The following OR2L2 variants were observed in gnomAD, a reference collection of about 807,000 sequenced individuals.
The protein encoded by OR2L2 is olfactory receptor 2L2.
For synonymous variants in OR2L2, 156 were observed against 135.4 expected (o/e 1.15, Z -1.06); for missense variants, 378 against 375.2 (o/e 1.01, Z -0.06).
At chr1:248,037,079 G>A (rs1425632444) in intron 2 of OR2L2, among the ~76,000 whole-genome samples, 3 of 152,212 alleles carry the variant, frequency 2.0e-5, no homozygotes, top group Admixed American at 6.5e-5. Context: ...TCAGAAATTG[G>A]ATGAGAAGGC....
chr1:248,041,603 C>T lies in OR2L2; in HGVS notation c.*2397C>T, dbSNP rs896957332. 2.0e-5 allele frequency: 3 copies of T among 152,046 alleles called. No individual in the cohort carries two copies. Among genetic ancestry groups the T allele is most frequent in the South Asian group, 2.1e-4 (1 of 4,830 alleles). The allele number at this position is 152,046 out of a possible 1,614,324, so 9.4% of individuals were successfully genotyped here. ...CAGAATGGGAGAAAATTTTTGCAAC[C>T]TACTCATCTGACAAAGGGCTAATAT... On this transcript the variant is annotated 3_prime_UTR_variant, in exon 3 of 3. Transcript: ENST00000641771.
Position 248,041,496 on chromosome 1 carries a change from A to G in OR2L2, c.*2290A>G, listed in dbSNP as rs934833341. On this transcript the variant is annotated 3_prime_UTR_variant, in exon 3 of 3. Coordinates refer to ENST00000641771, the MANE Select transcript of OR2L2 (RefSeq NM_001385855.1). ...ACCAAAAGCAATGGCAACAAAAGCC[A>G]AAATTGACAATTGAGATCTAATTAA... 17 of 152,294 alleles carry G rather than the reference A, an allele frequency of 1.1e-4. No homozygotes were observed. Among genetic ancestry groups the G allele is most frequent in the African/African-American group, 3.9e-4 (16 of 41,452 alleles). The allele number at this position is 152,294 out of a possible 1,614,324, so 9.4% of individuals were successfully genotyped here. A position where few individuals can be genotyped will look rare whatever the true frequency, so the allele number is the denominator to read the frequency against.
At chr1:248,033,115 A>G (rs951007420) in intron 1 of OR2L2, among the ~76,000 whole-genome samples, 1 of 152,232 alleles carries the variant, frequency 6.6e-6, no homozygotes, top group African/African-American at 2.4e-5. Flanking sequence ...TGGGTTTATC[A>G]GGATGAAACC....
In OR2L2 at chr1:248,040,919, C is replaced by G. The variant is rs762548709; in HGVS notation, c.*1713C>G. 7 of 152,158 alleles carry G rather than the reference C, an allele frequency of 4.6e-5. No individual in the cohort carries two copies. The highest frequency in any genetic ancestry group is 7.4e-5 in the Non-Finnish European group (5 of 68,022). 9.4% of individuals were successfully genotyped at this position (152,158 alleles called of 1,614,324 possible). ...ATACAAATATGGATCTGGATATACT[C>G]ATTTCAATTAAGCATTTAGAGTTTA... On this transcript the variant is annotated 3_prime_UTR_variant, in exon 3 of 3. Coordinates refer to ENST00000641771, the MANE Select transcript of OR2L2 (RefSeq NM_001385855.1).
intron 1 of OR2L2, among the ~76,000 whole-genome samples, chr1:248,031,602 C>T (rs1025129131): frequency 6.6e-6 from 1 of 152,152 alleles, no homozygotes; most frequent in Non-Finnish European, 1.5e-5. Flanking sequence ...GCTGGCACCA[C>T]CGCAGGCAGA....
At chr1:248,037,162 A>C (rs1168760391) in intron 2 of OR2L2, among the ~76,000 whole-genome samples, 1 of 152,200 alleles carries the variant, frequency 6.6e-6, no homozygotes. Flanking sequence ...TGAAAAAGGT[A>C]CTTAAAATAA....
chr1:248,038,771 C>T lies in OR2L2; in HGVS notation c.504C>T (p.Cys168=), dbSNP rs747520272. 2 of 1,614,052 alleles carry T rather than the reference C, an allele frequency of 1.2e-6. No individual in the cohort carries two copies. The highest frequency in any genetic ancestry group is 2.2e-5 in the South Asian group (2 of 91,080). The change falls in exon 3 of 3, where the codon TGC becomes TGT. Residue 168 remains cysteine, a synonymous_variant. Transcript: ENST00000641771. Reference sequence around the variant, plus strand: ...TATATGCACTCTGTATCCCATATTGCAAGTCCAGAGCCATCAATCATTTTT... The same window carrying T: ...TATATGCACTCTGTATCCCATATTGTAAGTCCAGAGCCATCAATCATTTTT... The part of the protein sequence containing the change: ...HTVYALCIPY[C]KSRAINHFFC...
intron 1 of OR2L2, among the ~76,000 whole-genome samples, 193 bp from the exon 2 acceptor site, chr1:248,035,354 CAGG>C (rs1305381314): frequency 3.9e-5 from 6 of 151,980 alleles, no homozygotes; most frequent in African/African-American, 1.5e-4. Flanking sequence ...GAGGCTGAGG[CAGG>C]AGAATGGAGT....
chr1:248,038,078 G>T (rs1662814578), intron 2 of OR2L2, 169 bp from the exon 3 acceptor site: 3 of 485,834 alleles, frequency 6.2e-6, no homozygotes, highest in East Asian at 3.3e-5. Flanking sequence ...TCTCTTCCTT[G>T]CCTAATTTAT....
chr1:248,032,523 C>A (rs1026438708), intron 1 of OR2L2, among the ~76,000 whole-genome samples: 1 of 152,070 alleles, frequency 6.6e-6, no homozygotes, highest in African/African-American at 2.4e-5. Context: ...ACTCCCTTCC[C>A]CCATCCCCAG....
At position 248,039,509 on chromosome 1, in the gene OR2L2, C is replaced by G. The variant is rs1255490173; in HGVS notation, c.*303C>G. 1.0e-5 allele frequency: 2 copies of G among 195,946 alleles called. No individual in the cohort carries two copies. Among genetic ancestry groups the G allele is most frequent in the Admixed American group, 1.1e-4 (2 of 18,860 alleles). The allele number at this position is 195,946 out of a possible 1,614,324, so 12.1% of individuals were successfully genotyped here. On this transcript the variant is annotated 3_prime_UTR_variant, in exon 3 of 3. Transcript: ENST00000641771. Reference sequence around the variant, plus strand: ...AATCTCAGCTCCCCATAACCTCTGCCTCCTGGGTTCAAGCGATTCTCCTGC... The same window carrying G: ...AATCTCAGCTCCCCATAACCTCTGCGTCCTGGGTTCAAGCGATTCTCCTGC...
At chr1:248,035,050 CTTTT>C (rs74814875) in intron 1 of OR2L2, among the ~76,000 whole-genome samples, 3 of 140,768 alleles carry the variant, frequency 2.1e-5, no homozygotes, top group Non-Finnish European at 3.1e-5. Context: ...TTATCTTTCC[CTTTT>C]TTTTTTTTTT....
Position 248,041,849 on chromosome 1 carries a change from G to A in OR2L2, c.*2643G>A, listed in dbSNP as rs998140663. On this transcript the variant is annotated 3_prime_UTR_variant, in exon 3 of 3. Coordinates refer to ENST00000641771, the MANE Select transcript of OR2L2 (RefSeq NM_001385855.1). Reference sequence around the variant, plus strand: ...CAGTTAGAATGGCAATCATTAAAACGTCAGGAAACAACAGGTGCTGGAGAG... The same window carrying A: ...CAGTTAGAATGGCAATCATTAAAACATCAGGAAACAACAGGTGCTGGAGAG... 13 of 152,176 alleles carry A rather than the reference G, an allele frequency of 8.5e-5. No individual in the cohort carries two copies. The highest frequency in any genetic ancestry group is 1.6e-4 in the Non-Finnish European group (11 of 68,044). 9.4% of individuals were successfully genotyped at this position (152,176 alleles called of 1,614,324 possible). A position where few individuals can be genotyped will look rare whatever the true frequency, so the allele number is the denominator to read the frequency against.
chr1:248,037,468 T>C (rs1390972953), intron 2 of OR2L2, among the ~76,000 whole-genome samples: 1 of 152,158 alleles, frequency 6.6e-6, no homozygotes. Context: ...GCATCTGAGA[T>C]TGTGTTGGGC....
rs746504289 is a variant in OR2L2 at position 248,038,410 on chromosome 1, T to A, written c.143T>A (p.Ile48Asn). Reference sequence around the variant, plus strand: ...GGAAATCTATCCATGATTCTTCTCATCTTTTTGGACATCCATCTCCACACA... The same window carrying A: ...GGAAATCTATCCATGATTCTTCTCAACTTTTTGGACATCCATCTCCACACA... ...LIGNLSMILLIFLDIHLHTPM... is the reference protein window; with the variant it reads ...LIGNLSMILLNFLDIHLHTPM... The change falls in exon 3 of 3, where the codon ATC becomes AAC. Residue 48 changes from isoleucine to asparagine, a missense_variant. Physicochemically the swap from Ile to Asn is moderately radical, Grantham distance 149. Transcript: ENST00000641771. The A allele has an allele frequency of 1.9e-6, 3 of 1,613,848 alleles. No individual in the cohort carries two copies. The highest frequency in any genetic ancestry group is 2.2e-5 in the East Asian group (1 of 44,876).
rs1662832845 is a variant in OR2L2, at chr1:248,038,508, G to T, written c.241G>T (p.Val81Phe). The change falls in exon 3 of 3, where the codon GTT becomes TTT. Residue 81 changes from valine to phenylalanine, a missense_variant. Transcript: ENST00000641771. The stretch of plus-strand genomic sequence containing the variant: ...CATCTCCACCATTGTTCCAAAGATG[G>T]TTTATGATTTTCTGTATGGAAACAA... ...NYISTIVPKM[V>F]YDFLYGNKSI... The T allele has an allele frequency of 6.2e-7, 1 of 1,614,046 alleles. No homozygotes were observed. Among genetic ancestry groups the T allele is most frequent in the East Asian group, 2.2e-5 (1 of 44,874 alleles).
Position 248,040,382 on chromosome 1 carries a change from G to A in OR2L2, c.*1176G>A, listed in dbSNP as rs1310655074. 2 of 152,220 alleles carry A rather than the reference G, an allele frequency of 1.3e-5. No individual in the cohort carries two copies. The highest frequency in any genetic ancestry group is 2.9e-5 in the Non-Finnish European group (2 of 68,074). The allele number at this position is 152,220 out of a possible 1,614,324, so 9.4% of individuals were successfully genotyped here. ...GTAAGAAGAGCCTCATATTATCCAA[G>A]TGACAGCAGTGGTGAATGACTGAAT... On this transcript the variant is annotated 3_prime_UTR_variant, in exon 3 of 3. Transcript: ENST00000641771.
chr1:248,036,302 G>A (rs1376214787), intron 2 of OR2L2, among the ~76,000 whole-genome samples: 1 of 151,236 alleles, frequency 6.6e-6, no homozygotes, highest in African/African-American at 2.4e-5. Context: ...TTCATTTAAT[G>A]CGGTATCAAT....
intron 1 of OR2L2, among the ~76,000 whole-genome samples, chr1:248,034,940 GTTTTC>G (rs1172526625): frequency 6.6e-6 from 1 of 151,890 alleles, no homozygotes; most frequent in Middle Eastern, 3.2e-3. Flanking sequence ...ATTTATAACA[GTTTTC>G]TTTGCGTGGA....
Sources: allele counts gnomAD v4.1 joint callset (sites outside exome capture counted in the v4.1 genomes callset), GRCh38; gene constraint gnomAD v4.1.1; transcripts MANE v1.5; gene names NCBI Gene and HGNC (gene_info 2026-07-23, HGNC 2026-07-21).